NEK10: variants seen among roughly 807,000 people sequenced by gnomAD.
NEK10 encodes the protein serine/threonine-protein kinase Nek10.
A neutral mutation model predicts 159.8 loss-of-function variants in NEK10; 122 were observed. The ratio of observed to expected loss-of-function variants is 0.76; its 90% CI spans 0.66 to 0.89. The LOEUF (loss-of-function observed/expected upper bound fraction) is 0.89, where lower values mean the gene tolerates loss of function less well. Among genes scored for constraint, NEK10 ranks in the 40% least tolerant of loss-of-function variants. The pLI is 0.00. For missense variants in NEK10, 1,342 were observed against 1,323.1 expected (o/e 1.01, Z -0.22); for synonymous variants, 466 against 457.1 (o/e 1.02, Z -0.25).
chr3:27,120,007 A>G (rs1260639668), intron 32 of NEK10, 139 bp from the exon 33 acceptor site: 1 of 563,340 alleles, frequency 1.8e-6, no homozygotes, highest in Non-Finnish European at 3.2e-6. Context: ...CCTTGTAAAT[A>G]GATAAAGAAA....
chr3:27,267,940 G>T (rs1178398453), intron 22 of NEK10, among the ~76,000 whole-genome samples: 1 of 152,200 alleles, frequency 6.6e-6, no homozygotes, highest in African/African-American at 2.4e-5. Context: ...AATTAAAAGT[G>T]CTACTCAGTG....
chr3:27,319,979 G>A (rs991494914), intron 6 of NEK10, among the ~76,000 whole-genome samples: 1 of 152,176 alleles, frequency 6.6e-6, no homozygotes, highest in Non-Finnish European at 1.5e-5. Context: ...CATGCTGAGA[G>A]CCACTGGCGT....
chr3:27,306,094 C>T (rs193147820), intron 11 of NEK10, among the ~76,000 whole-genome samples: 1 of 152,278 alleles, frequency 6.6e-6, no homozygotes, highest in East Asian at 1.9e-4. Context: ...TGACTCATGG[C>T]ACCACAATAT....
chr3:27,125,053 A>G (rs969597343), intron 32 of NEK10, among the ~76,000 whole-genome samples: 20 of 152,242 alleles, frequency 1.3e-4, no homozygotes, highest in African/African-American at 4.3e-4. Context: ...AGACACCTAC[A>G]GTTCTAAAGA....
rs536165388 is a variant in NEK10 at position 27,298,125 on chromosome 3, T to G, written c.1169-885A>C. Among the ~76,000 whole-genome samples the G allele has an allele frequency of 1.1e-3, 163 of 152,272 alleles. 1 individual carries two copies. Among genetic ancestry groups the G allele is most frequent in the Middle Eastern group, 6.8e-3 (2 of 294 alleles). Reference sequence around the variant, plus strand: ...AACCGTTTATGTTTTTAATTTTTATTTTTCCATTTTTATTTAGGTATTAAC... The same window carrying G: ...AACCGTTTATGTTTTTAATTTTTATGTTTCCATTTTTATTTAGGTATTAAC... On this transcript the variant is annotated intron_variant, in intron 13 of 35. Transcript: ENST00000691995.
At chr3:27,333,363 T>C (rs2006794) in intron 5 of NEK10, among the ~76,000 whole-genome samples, 121,679 of 151,696 alleles carry the variant, frequency 0.8, 48,861 homozygotes, top group East Asian at 0.88. Flanking sequence ...CTGGCCAACA[T>C]GGTAAAGCCC....
At chr3:27,337,905 GA>G (rs2046924644) in intron 5 of NEK10, among the ~76,000 whole-genome samples, 2 of 152,030 alleles carry the variant, frequency 1.3e-5, no homozygotes, top group Non-Finnish European at 2.9e-5. Context: ...TGTAGGCAAA[GA>G]TTTTTTTTTA....
chr3:27,249,790 TTC>T (rs2149294772), intron 23 of NEK10, among the ~76,000 whole-genome samples: 1 of 152,306 alleles, frequency 6.6e-6, no homozygotes, highest in African/African-American at 2.4e-5. Flanking sequence ...TTTTGGGGTA[TTC>T]TCTTTCATTC....
At chr3:27,232,972 C>T (rs891898518) in intron 23 of NEK10, among the ~76,000 whole-genome samples, 6 of 151,630 alleles carry the variant, frequency 4.0e-5, no homozygotes, top group African/African-American at 1.4e-4. Context: ...TGGACATTGG[C>T]TTAGGCAAAC....
At chr3:27,203,227 T>G (rs772354382) in intron 23 of NEK10, among the ~76,000 whole-genome samples, 5 of 152,174 alleles carry the variant, frequency 3.3e-5, no homozygotes, top group Non-Finnish European at 5.9e-5. Flanking sequence ...ACTCTGAAGT[T>G]GAATGCCACT....
intron 28 of NEK10, 78 bp from the exon 29 acceptor site, chr3:27,171,951 A>G: frequency 7.0e-7 from 1 of 1,427,492 alleles, no homozygotes; most frequent in South Asian, 1.3e-5. Context: ...ATAAAACAAT[A>G]CTGAACAACA....
chr3:27,256,023 C>T (rs1460457784), intron 23 of NEK10, among the ~76,000 whole-genome samples: 1 of 152,114 alleles, frequency 6.6e-6, no homozygotes, highest in African/African-American at 2.4e-5. Context: ...TGCACACCTA[C>T]TATATGCCAA....
At chr3:27,346,894 T>C (rs552825106) in intron 3 of NEK10, among the ~76,000 whole-genome samples, 5 of 152,348 alleles carry the variant, frequency 3.3e-5, no homozygotes, top group Admixed American at 3.3e-4. Context: ...ACAACTTCAC[T>C]ATGCTTCACT....
In NEK10 at chr3:27,110,975, T is replaced by G; in HGVS notation, c.*297A>C. The G allele has an allele frequency of 3.7e-6, 1 of 273,436 alleles. No homozygotes were observed. Among genetic ancestry groups the G allele is most frequent in the African/African-American group, 2.2e-5 (1 of 45,876 alleles). 16.9% of individuals were successfully genotyped at this position (273,436 alleles called of 1,614,324 possible). ...TGTAAGAGAGTTTTTTTGTTGTTGTTTTTGGGTTTTCCCCCCACCCTCCAA... is the reference window on the plus strand; with the variant it reads ...TGTAAGAGAGTTTTTTTGTTGTTGTGTTTGGGTTTTCCCCCCACCCTCCAA... On this transcript the variant is annotated 3_prime_UTR_variant, in exon 36 of 36. Transcript: ENST00000691995.
chr3:27,119,620 G>C (rs1045835700), intron 33 of NEK10, 140 bp downstream of exon 33: 6 of 603,384 alleles, frequency 9.9e-6, no homozygotes, highest in Non-Finnish European at 1.7e-5. Context: ...CCTACCATAT[G>C]TGCCTTCCAA....
chr3:27,233,266 A>G (rs948844708), intron 23 of NEK10, among the ~76,000 whole-genome samples: 3 of 152,180 alleles, frequency 2.0e-5, no homozygotes, highest in Non-Finnish European at 4.4e-5. Flanking sequence ...GAAGACATAG[A>G]AACAACCAGC....
chr3:27,305,836 G>A (rs1419641335), intron 11 of NEK10, among the ~76,000 whole-genome samples: 3 of 151,944 alleles, frequency 2.0e-5, no homozygotes, highest in South Asian at 2.1e-4. Flanking sequence ...GATGATAAAC[G>A]TTTTATAGAA....
At chr3:27,312,206 G>A in intron 7 of NEK10, 29 bp from the exon 8 acceptor site, 1 of 1,441,686 alleles carries the variant, frequency 6.9e-7, no homozygotes, top group South Asian at 1.2e-5. Context: ...CAACAAGCCA[G>A]TCAGGACACC....
intron 12 of NEK10, among the ~76,000 whole-genome samples, chr3:27,303,417 T>A (rs1162495180): frequency 6.6e-6 from 1 of 152,128 alleles, no homozygotes; most frequent in South Asian, 2.1e-4. Context: ...ATAGGTATGA[T>A]TGTCCAATAA....
Sources: allele counts gnomAD v4.1 joint callset (sites outside exome capture counted in the v4.1 genomes callset), GRCh38; gene constraint gnomAD v4.1.1; transcripts MANE v1.5; gene names NCBI Gene and HGNC (gene_info 2026-07-23, HGNC 2026-07-21).